Variants in PCDH11X observed in about 807,000 individuals in gnomAD.
PCDH11X encodes the protein protocadherin 11 X-linked.
A neutral mutation model predicts 53.3 loss-of-function variants in PCDH11X; 18 were observed. That is an observed-to-expected ratio of 0.34 (90% CI 0.23 to 0.50). PCDH11X has a LOEUF of 0.50. Ranked by LOEUF, PCDH11X falls within the 20% of genes least tolerant of loss-of-function variation. PCDH11X has a pLI of 0.98. For synonymous variants in PCDH11X, 279 were observed against 393.3 expected, an observed-to-expected ratio of 0.71 and a Z score of 3.44; for missense variants, 570 against 1,032.4, an observed-to-expected ratio of 0.55 and a Z score of 6.14.
At chrX:92,282,516 T>C (rs1033967418) in intron 8 of PCDH11X, among the ~76,000 whole-genome samples, 2 of 111,896 alleles carry the variant, frequency 1.8e-5, no homozygotes, top group Admixed American at 9.5e-5. Context: ...ATATTGTACG[T>C]ATGATGAAGT....
chrX:92,063,528 T>C (rs2063557400), intron 6 of PCDH11X, among the ~76,000 whole-genome samples: 1 of 111,195 alleles, frequency 9.0e-6, no homozygotes, highest in Admixed American at 9.6e-5. Context: ...TTCATTTATA[T>C]CCACACTCTG....
At chrX:92,211,132 TG>T (rs1351441419) in intron 7 of PCDH11X, among the ~76,000 whole-genome samples, 1 of 111,937 alleles carries the variant, frequency 8.9e-6, no homozygotes, top group Non-Finnish European at 1.9e-5. Context: ...TACCTGAGGC[TG>T]GGTAATTTAT....
chrX:92,101,433 GC>G (rs2148136054), intron 6 of PCDH11X, among the ~76,000 whole-genome samples: 1 of 111,588 alleles, frequency 9.0e-6, no homozygotes, highest in South Asian at 3.8e-4. Context: ...TGGTGGCTGA[GC>G]TTGGTGAGGT....
chrX:92,009,997 G>A (rs151336610), intron 6 of PCDH11X, among the ~76,000 whole-genome samples: 1,593 of 110,483 alleles, frequency 0.014, 36 homozygotes, highest in African/African-American at 0.05. Context: ...GTGCCACCTC[G>A]CCTGGCCTGT....
At chrX:92,516,738 T>G (rs1056345862) in intron 10 of PCDH11X, among the ~76,000 whole-genome samples, 4 of 112,337 alleles carry the variant, frequency 3.6e-5, no homozygotes, top group African/African-American at 1.3e-4. Flanking sequence ...ATTTTACAAT[T>G]TTCTTAATTT....
chrX:92,411,603 G>A (rs113921377), intron 9 of PCDH11X, among the ~76,000 whole-genome samples: 9,021 of 109,469 alleles, frequency 0.082, 556 homozygotes, highest in African/African-American at 0.21. Context: ...GAAAGGACAT[G>A]AACTCATTCT....
At chrX:92,609,334 G>C (rs1238372656) in intron 10 of PCDH11X, among the ~76,000 whole-genome samples, 1 of 111,542 alleles carries the variant, frequency 9.0e-6, no homozygotes, top group Non-Finnish European at 1.9e-5. Flanking sequence ...TTGACAAACT[G>C]TTATCTAAAT....
chrX:92,082,566 G>C (rs2063877235), intron 6 of PCDH11X, among the ~76,000 whole-genome samples: 1 of 108,634 alleles, frequency 9.2e-6, no homozygotes, highest in African/African-American at 3.3e-5. Flanking sequence ...AAGAAGCAAA[G>C]AAGTATCAGA....
At chrX:92,615,231 G>A (rs1388981805) in intron 10 of PCDH11X, among the ~76,000 whole-genome samples, 1 of 110,450 alleles carries the variant, frequency 9.1e-6, no homozygotes, top group Non-Finnish European at 1.9e-5. Flanking sequence ...ATCTGTTTGG[G>A]TATTGAGTGC....
chrX:92,127,674 C>T (rs1387929330), intron 6 of PCDH11X, among the ~76,000 whole-genome samples: 1 of 109,437 alleles, frequency 9.1e-6, no homozygotes, highest in Non-Finnish European at 1.9e-5. Flanking sequence ...GTGCGTGCCA[C>T]CAAGCCAGAC....
intron 6 of PCDH11X, among the ~76,000 whole-genome samples, chrX:91,905,488 T>C (rs1941120237): frequency 9.0e-6 from 1 of 111,366 alleles, no homozygotes. Context: ...TCTCATCAGT[T>C]ATCAATACTC....
At chrX:92,033,074 T>A (rs1159506540) in intron 6 of PCDH11X, among the ~76,000 whole-genome samples, 1 of 108,561 alleles carries the variant, frequency 9.2e-6, no homozygotes, top group Non-Finnish European at 1.9e-5. Context: ...CCCAAAGTAC[T>A]GGGATTTTAG....
chrX:92,256,735 C>T (rs1232183353), intron 7 of PCDH11X, among the ~76,000 whole-genome samples: 4 of 110,141 alleles, frequency 3.6e-5, no homozygotes, highest in African/African-American at 1.3e-4. Flanking sequence ...TTTGACAGAC[C>T]CCCATATGTG....
In PCDH11X at chrX:92,121,718, C is replaced by CTTTATTTA. The variant is rs200271556; in HGVS notation, c.3034-79641_3034-79634dup. ...ATTTTTTCAATTTTTATTGATTTTA[C>CTTTATTTA]TTTATTTATTTATTTATTTATTTTT... On this transcript the variant is annotated intron_variant, in intron 6 of 10. Transcript: ENST00000682573. Among the ~76,000 whole-genome samples the CTTTATTTA allele has an allele frequency of 2.6e-4, 28 of 107,616 alleles. 1 individual carries two copies. The highest frequency in any genetic ancestry group is 1.9e-3 in the Admixed American group (19 of 9,834). The allele number at this position is 107,616 out of a possible 115,157, so 93.5% of individuals were successfully genotyped here.
At chrX:92,064,875 G>T (rs964314142) in intron 6 of PCDH11X, among the ~76,000 whole-genome samples, 23 of 101,968 alleles carry the variant, frequency 2.3e-4, no homozygotes, top group African/African-American at 8.8e-4. Flanking sequence ...TCATTTAGTT[G>T]CAGGAGGAGG....
intron 10 of PCDH11X, among the ~76,000 whole-genome samples, chrX:92,614,383 G>A (rs1369614700): frequency 9.6e-6 from 1 of 104,115 alleles, no homozygotes; most frequent in Non-Finnish European, 2.0e-5. Context: ...GGGTGTGACT[G>A]TAGTGAATGC....
chrX:92,433,293 A>G (rs2072292476), intron 9 of PCDH11X, among the ~76,000 whole-genome samples: 1 of 110,800 alleles, frequency 9.0e-6, no homozygotes, highest in South Asian at 3.7e-4. Context: ...ATAGTGAGGA[A>G]ATGAATAGTT....
intron 7 of PCDH11X, among the ~76,000 whole-genome samples, chrX:92,224,875 C>T (rs996610804): frequency 8.9e-6 from 1 of 112,261 alleles, no homozygotes; most frequent in African/African-American, 3.2e-5. Context: ...CTTACCTTTG[C>T]TCCATCTAAA....
intron 10 of PCDH11X, among the ~76,000 whole-genome samples, chrX:92,484,629 C>A (rs1420511126): frequency 1.2e-4 from 13 of 109,837 alleles, no homozygotes; most frequent in Non-Finnish European, 1.3e-4. Flanking sequence ...AGTAACTCAG[C>A]AATTGAAAAT....
Sources: gnomAD v4.1 joint callset for allele counts (sites outside exome capture counted in the v4.1 genomes callset) on GRCh38, gnomAD v4.1.1 for gene constraint, MANE v1.5 for transcripts, NCBI Gene and HGNC (gene_info 2026-07-23, HGNC 2026-07-21) for gene names.